TENM4: variants seen among roughly 807,000 people sequenced by gnomAD.
TENM4 encodes the protein teneurin transmembrane protein 4, also known as teneurin-4.
In TENM4, 82 loss-of-function variants were observed where a neutral mutation model predicts 243.3. The observed-to-expected ratio is 0.34, with a 90% CI of 0.28 to 0.40. The LOEUF is 0.40. Among genes scored for constraint, TENM4 ranks in the 10% least tolerant of loss-of-function variants. The probability of loss-of-function intolerance (pLI) is 1.00; values close to 1 mark genes in which losing one functional copy is unlikely to be tolerated. For missense variants in TENM4, 3,138 were observed against 3,673.3 expected, an observed-to-expected ratio of 0.85 and a Z score of 3.77; for synonymous variants, 1,412 against 1,456.3, an observed-to-expected ratio of 0.97 and a Z score of 0.69.
Position 78,778,617 on chromosome 11 carries a change from C to A in TENM4, c.2377G>T (p.Asp793Tyr), listed in dbSNP as rs781589545. The A allele has an allele frequency of 3.2e-5, 52 of 1,612,062 alleles. No individual in the cohort carries two copies. Among genetic ancestry groups the A allele is most frequent in the Admixed American group, 1.3e-4 (8 of 59,872 alleles). The stretch of plus-strand genomic sequence containing the variant: ...AAGACCATACCTTTAACTACCCTAT[C>A]CAGATAGTGAGCTAGGGAGATAAAA... ...GEHCTIAHYL[D>Y]RVVKEGCPGL... Residue 793 changes from aspartate (D) to tyrosine (Y), a missense_variant, in exon 17 of 34, where the codon GAT (aspartate) becomes TAT (tyrosine). Coordinates refer to ENST00000278550, the MANE Select transcript of TENM4 (RefSeq NM_001098816.3).
chr11:78,794,546 G>A (rs959885396), intron 15 of TENM4, among the ~76,000 whole-genome samples: 6 of 152,240 alleles, frequency 3.9e-5, no homozygotes, highest in Non-Finnish European at 7.3e-5. Context: ...GCCCAGGAGA[G>A]GCTAAAGATC....
At chr11:79,392,891 A>T (rs1018259670) in intron 1 of TENM4, among the ~76,000 whole-genome samples, 2 of 152,196 alleles carry the variant, frequency 1.3e-5, no homozygotes, top group African/African-American at 4.8e-5. Context: ...TAACATTCCG[A>T]AGGGACAGAG....
intron 19 of TENM4, among the ~76,000 whole-genome samples, chr11:78,748,209 A>C (rs185660607): frequency 6.6e-6 from 1 of 152,354 alleles, no homozygotes; most frequent in Admixed American, 6.5e-5. Flanking sequence ...AGTGGCCACT[A>C]TCACTTAAAT....
chr11:79,382,003 T>C (rs552056177), intron 1 of TENM4, among the ~76,000 whole-genome samples: 3 of 152,210 alleles, frequency 2.0e-5, no homozygotes, highest in African/African-American at 7.2e-5. Context: ...TCAAACTAGG[T>C]CACATTTAGG....
chr11:78,779,479 C>T (rs7944450), intron 16 of TENM4, among the ~76,000 whole-genome samples: 7,608 of 152,252 alleles, frequency 0.05, 516 homozygotes, highest in African/African-American at 0.16. Flanking sequence ...TGAGGATGAG[C>T]ATCAAAGGTT....
At chr11:79,301,360 C>A (rs1019670666) in intron 1 of TENM4, among the ~76,000 whole-genome samples, 2 of 152,118 alleles carry the variant, frequency 1.3e-5, no homozygotes, top group Non-Finnish European at 2.9e-5. Flanking sequence ...TTCAGGTTTG[C>A]GAATATCAAG....
At chr11:78,974,736 T>G (rs1255030597) in intron 6 of TENM4, among the ~76,000 whole-genome samples, 3 of 150,206 alleles carry the variant, frequency 2.0e-5, no homozygotes, top group African/African-American at 7.4e-5. Flanking sequence ...TTTTTTTTTT[T>G]TTGAGACAGA....
intron 4 of TENM4, chr11:79,095,988 T>C (rs539401502): frequency 6.6e-6 from 1 of 152,224 alleles, no homozygotes; most frequent in Non-Finnish European, 1.5e-5. Context: ...ATCCGATTGC[T>C]ATCTCTTTGT....
chr11:78,910,791 T>A (rs2136350409), intron 6 of TENM4, among the ~76,000 whole-genome samples: 1 of 152,354 alleles, frequency 6.6e-6, no homozygotes, highest in Admixed American at 6.5e-5. Context: ...TATTCACTCC[T>A]TCTCCGGACA....
At chr11:79,399,738 C>T (rs1412090724) in intron 1 of TENM4, among the ~76,000 whole-genome samples, 2 of 152,142 alleles carry the variant, frequency 1.3e-5, no homozygotes. Context: ...GACGTAGAGT[C>T]AAATTTGGCT....
intron 24 of TENM4, among the ~76,000 whole-genome samples, chr11:78,720,851 G>T (rs2135836933): frequency 6.6e-6 from 1 of 152,264 alleles, no homozygotes; most frequent in South Asian, 2.1e-4. Flanking sequence ...ATTGGAGATA[G>T]ACTATAATTA....
intron 3 of TENM4, among the ~76,000 whole-genome samples, chr11:79,206,623 C>T (rs1466022029): frequency 6.6e-6 from 1 of 152,146 alleles, no homozygotes; most frequent in Non-Finnish European, 1.5e-5. Context: ...CTGGTCTTTC[C>T]CATGCTATTC....
intron 18 of TENM4, among the ~76,000 whole-genome samples, chr11:78,759,052 C>T (rs1401195476): frequency 6.6e-6 from 1 of 152,160 alleles, no homozygotes; most frequent in African/African-American, 2.4e-5. Context: ...CTTCCTCATC[C>T]TGAACTTAGA....
chr11:79,006,934 C>A (rs191895814), intron 6 of TENM4, among the ~76,000 whole-genome samples: 2 of 152,278 alleles, frequency 1.3e-5, no homozygotes, highest in East Asian at 3.9e-4. Context: ...TCGAGCACAG[C>A]AGATTGCCCT....
chr11:78,740,565 C>T (rs1289842576), intron 19 of TENM4, among the ~76,000 whole-genome samples: 1 of 152,218 alleles, frequency 6.6e-6, no homozygotes, highest in Non-Finnish European at 1.5e-5. Flanking sequence ...AAGATTTATT[C>T]CACCGATTGT....
rs570781607 is a variant in TENM4 at position 79,303,461 on chromosome 11, A to G, written c.-320-5918T>C. On this transcript the variant is annotated intron_variant, in intron 1 of 33. Coordinates refer to ENST00000278550, the MANE Select transcript of TENM4 (RefSeq NM_001098816.3). Reference sequence around the variant, plus strand: ...ACAAATGTTGGTGAATATTATTCTAATTGCTAGACTGTGATAATCTTAGCT... The same window carrying G: ...ACAAATGTTGGTGAATATTATTCTAGTTGCTAGACTGTGATAATCTTAGCT... 4.6e-5 allele frequency among the ~76,000 whole-genome samples: 7 copies of G among 152,338 alleles called. No homozygotes were observed. The South Asian group carries it at 1.0e-3, about 23-fold the overall frequency.
At chr11:79,378,636 G>A (rs1467952883) in intron 1 of TENM4, among the ~76,000 whole-genome samples, 2 of 151,972 alleles carry the variant, frequency 1.3e-5, no homozygotes, top group Non-Finnish European at 2.9e-5. Flanking sequence ...TTGAATCCTC[G>A]AACCACCACT....
intron 1 of TENM4, among the ~76,000 whole-genome samples, chr11:79,307,874 C>G (rs996053452): frequency 2.0e-5 from 3 of 152,214 alleles, no homozygotes; most frequent in African/African-American, 4.8e-5. Flanking sequence ...GCACCGTGCT[C>G]TCCCACATGG....
chr11:79,084,410 C>T (rs1246798955), intron 4 of TENM4, among the ~76,000 whole-genome samples: 1 of 152,130 alleles, frequency 6.6e-6, no homozygotes, highest in Admixed American at 6.6e-5. Context: ...ATGCAAAAAG[C>T]CGTACAATGA....
Sources: gnomAD v4.1 joint callset for allele counts (sites outside exome capture counted in the v4.1 genomes callset) on GRCh38, gnomAD v4.1.1 for gene constraint, MANE v1.5 for transcripts, NCBI Gene and HGNC (gene_info 2026-07-23, HGNC 2026-07-21) for gene names.